COL10A1: variants seen among roughly 807,000 people sequenced by gnomAD.
COL10A1 encodes the protein collagen type X alpha 1 chain.
Under a neutral mutation model 18.2 loss-of-function variants are expected in COL10A1, and 10 were observed. That is an observed-to-expected ratio of 0.55 (90% confidence interval 0.34 to 0.93). The LOEUF (loss-of-function observed/expected upper bound fraction) is 0.93. Among genes scored for constraint, COL10A1 ranks in the 40% least tolerant of loss-of-function variants. The probability of loss-of-function intolerance (pLI) is 0.02; values close to 1 mark genes in which losing one functional copy is unlikely to be tolerated. For synonymous variants in COL10A1, 330 were observed against 316.6 expected, an observed-to-expected ratio of 1.04 and a Z score of -0.45; for missense variants, 897 against 853.5, an observed-to-expected ratio of 1.05 and a Z score of -0.64.
At chr6:116,165,305 A>G in the COL10A1 span, among the ~76,000 whole-genome samples, 2 of 152,106 alleles carry the variant, frequency 1.3e-5, no homozygotes, top group African/African-American at 4.8e-5. Flanking sequence ...TCTGATAACT[A>G]TATACCTTGG....
the COL10A1 span, among the ~76,000 whole-genome samples, chr6:116,171,027 G>T: frequency 2.0e-5 from 3 of 151,862 alleles, no homozygotes; most frequent in Admixed American, 6.6e-5. Context: ...CTCTTCATTG[G>T]ACTTAATGAT....
At position 116,121,338 on chromosome 6, in the gene COL10A1, G is replaced by T; in HGVS notation, c.778C>A (p.Pro260Thr). 6.2e-7 allele frequency: 1 copy of T among 1,614,026 alleles called. No individual in the cohort carries two copies. Among genetic ancestry groups the T allele is most frequent in the Non-Finnish European group, 8.5e-7 (1 of 1,179,974 alleles). The stretch of plus-strand genomic sequence containing the variant: ...GCTCCTGGCTTTCCAATGCCTTCTG[G>T]CCCTCGTTCCCCAGGAGGGCCTTGG... ...GPQGPPGERG[P>T]EGIGKPGAAG... is the part of the protein sequence containing the mutation. The change falls in exon 3 of 3, where the codon CCA (proline) becomes ACA (threonine). Residue 260 changes from proline to threonine, a missense_variant. Physicochemically the swap from Pro to Thr is conservative, Grantham distance 38 (BLOSUM62 -1). Transcript: ENST00000651968.
At chr6:116,135,846 T>C (rs1442394531) in intron 1 of COL10A1, among the ~76,000 whole-genome samples, 1 of 98,902 alleles carries the variant, frequency 1.0e-5, no homozygotes, top group African/African-American at 5.3e-5. Flanking sequence ...TATATATATA[T>C]ATATATATAT....
At chr6:116,122,791 A>ATAGGAAAATAATTGTT (rs1779172542) in intron 2 of COL10A1, among the ~76,000 whole-genome samples, 1 of 152,230 alleles carries the variant, frequency 6.6e-6, no homozygotes, top group Non-Finnish European at 1.5e-5. Flanking sequence ...ATATGCCGAA[A>ATAGGAAAATAATTGTT]TAGGAAAATA....
At chr6:116,164,768 T>C in the COL10A1 span, among the ~76,000 whole-genome samples, 2 of 152,266 alleles carry the variant, frequency 1.3e-5, no homozygotes, top group East Asian at 3.9e-4. Context: ...CAAATTTCCT[T>C]AGCATTTGTT....
chr6:116,207,031 T>C, the COL10A1 span, among the ~76,000 whole-genome samples: 2 of 152,016 alleles, frequency 1.3e-5, no homozygotes, highest in Admixed American at 6.6e-5. Flanking sequence ...TGATCACTTA[T>C]GTCATATGCT....
At chr6:116,125,718 A>G (rs1779281912) in intron 1 of COL10A1, 1 of 389,942 alleles carries the variant, frequency 2.6e-6, no homozygotes, top group Non-Finnish European at 4.7e-6. Flanking sequence ...CAGGTAATCA[A>G]GTGAAAATAA....
At chr6:116,179,907 A>T in the COL10A1 span, among the ~76,000 whole-genome samples, 1 of 152,150 alleles carries the variant, frequency 6.6e-6, no homozygotes, top group African/African-American at 2.4e-5. Flanking sequence ...TTAGCCAGTG[A>T]TCCCTCTGAA....
At chr6:116,181,906 A>G in the COL10A1 span, among the ~76,000 whole-genome samples, 1 of 152,092 alleles carries the variant, frequency 6.6e-6, no homozygotes, top group Non-Finnish European at 1.5e-5. Flanking sequence ...TTTGGGAAAC[A>G]GTTGATGGTG....
At chr6:116,141,339 G>A (rs1324357229) in intron 1 of COL10A1, among the ~76,000 whole-genome samples, 2 of 151,212 alleles carry the variant, frequency 1.3e-5, no homozygotes, top group African/African-American at 4.9e-5. Context: ...AGTTATATGT[G>A]TTGCAGATAC....
At chr6:116,136,166 C>T (rs1239348265) in intron 1 of COL10A1, among the ~76,000 whole-genome samples, 1 of 152,022 alleles carries the variant, frequency 6.6e-6, no homozygotes, top group Non-Finnish European at 1.5e-5. Context: ...TTAGGTTACA[C>T]GTATGAGTGA....
chr6:116,193,442 T>TG, the COL10A1 span, among the ~76,000 whole-genome samples: 410 of 152,226 alleles, frequency 2.7e-3, 1 homozygote, highest in Non-Finnish European at 3.7e-3. Context: ...ATCTGGAACT[T>TG]GCAACTTGCT....
rs138814091 is a variant in COL10A1 at position 116,144,268 on chromosome 6, C to T, written c.-16+14346G>A. Among the ~76,000 whole-genome samples the T allele has an allele frequency of 1.2e-3, 181 of 152,132 alleles. 1 individual carries two copies. Among genetic ancestry groups the T allele is most frequent in the African/African-American group, 4.1e-3 (172 of 41,478 alleles). On this transcript the variant is annotated intron_variant, in intron 1 of 1. Coordinates refer to the COL10A1 transcript ENST00000418500. ...CCTGTATCCCAGCACTTTGGGAGGC[C>T]GAGGCGGGCGGATCATGAAGTCAGG...
At chr6:116,177,661 C>T in the COL10A1 span, among the ~76,000 whole-genome samples, 1 of 152,038 alleles carries the variant, frequency 6.6e-6, no homozygotes, top group Non-Finnish European at 1.5e-5. Context: ...TCTAAAAATT[C>T]GTGGATATAA....
upstream of COL10A1, among the ~76,000 whole-genome samples, chr6:116,163,141 A>ATATATATATATATAT (rs1554197064): frequency 1.1e-5 from 1 of 88,408 alleles, no homozygotes; most frequent in African/African-American, 5.8e-5. Context: ...AAAAAAAAAA[A>ATATATATATATATAT]ATATATATAT....
chr6:116,126,865 T>C (rs1426495372), upstream of COL10A1, among the ~76,000 whole-genome samples: 1 of 152,190 alleles, frequency 6.6e-6, no homozygotes. Flanking sequence ...AAAAATATTA[T>C]TGGCTTAACT....
At chr6:116,199,702 G>T in the COL10A1 span, among the ~76,000 whole-genome samples, 1 of 152,048 alleles carries the variant, frequency 6.6e-6, no homozygotes, top group East Asian at 1.9e-4. Context: ...GTGTGTAAAA[G>T]GGACACAGGA....
the COL10A1 span, among the ~76,000 whole-genome samples, chr6:116,190,282 A>G: frequency 6.6e-6 from 1 of 152,006 alleles, no homozygotes; most frequent in East Asian, 1.9e-4. Flanking sequence ...TCTTTTATCA[A>G]TATATGAAAT....
chr6:116,139,650 A>G (rs1443248459), intron 1 of COL10A1, among the ~76,000 whole-genome samples: 1 of 152,158 alleles, frequency 6.6e-6, no homozygotes, highest in Non-Finnish European at 1.5e-5. Context: ...GCACTTTACG[A>G]TCTAGTTTTT....
Sources: allele counts gnomAD v4.1 joint callset (sites outside exome capture counted in the v4.1 genomes callset), GRCh38; gene constraint gnomAD v4.1.1; transcripts MANE v1.5; gene names NCBI Gene and HGNC (gene_info 2026-07-23, HGNC 2026-07-21).